The following SESTD1 variants were observed in gnomAD, a reference collection of about 807,000 sequenced individuals.
SESTD1 encodes the protein SEC14 and spectrin domain containing 1.
SESTD1 carries 43 observed loss-of-function variants against 101.7 expected under a neutral mutation model. The ratio of observed to expected loss-of-function variants is 0.42; its 90% CI spans 0.33 to 0.55. The LOEUF (loss-of-function observed/expected upper bound fraction) is 0.55, where lower values mean the gene tolerates loss of function less well. SESTD1 is among the 20% of genes least tolerant of loss of function. The probability of loss-of-function intolerance (pLI) is 0.07; values close to 1 mark genes in which losing one functional copy is unlikely to be tolerated. For missense variants in SESTD1, 647 were observed against 815.1 expected (o/e 0.79, Z 2.51); for synonymous variants, 283 against 286.8 (o/e 0.99, Z 0.13).
At chr2:179,199,865 A>T (rs1431439721) in intron 1 of SESTD1, among the ~76,000 whole-genome samples, 2 of 152,238 alleles carry the variant, frequency 1.3e-5, no homozygotes, top group Non-Finnish European at 2.9e-5. Context: ...AAACTGGCAC[A>T]AGACAGAGAT....
intron 2 of SESTD1, among the ~76,000 whole-genome samples, chr2:179,184,529 T>A (rs943733588): frequency 1.3e-5 from 2 of 152,074 alleles, no homozygotes; most frequent in Non-Finnish European, 2.9e-5. Context: ...TTCAATTGCC[T>A]ATTTTTTGTT....
At chr2:179,166,034 CT>C (rs1475657703) in intron 5 of SESTD1, among the ~76,000 whole-genome samples, 2 of 152,174 alleles carry the variant, frequency 1.3e-5, no homozygotes, top group Non-Finnish European at 2.9e-5. Flanking sequence ...GAAGATGGAA[CT>C]GGAGTACTTG....
chr2:179,230,113 CTTTTTTTTTTTTTTTTTTTTTTTT>C (rs71023474), intron 1 of SESTD1, among the ~76,000 whole-genome samples: 3 of 56,404 alleles, frequency 5.3e-5, no homozygotes, highest in Non-Finnish European at 6.7e-5. Context: ...GATTGTATCT[CTTTTTTTTTTTTTTTTTTTTTTTT>C]TTTTTTTTTT....
intron 1 of SESTD1, among the ~76,000 whole-genome samples, chr2:179,218,748 AAAGG>A (rs1197862566): frequency 3.3e-5 from 5 of 152,194 alleles, no homozygotes; most frequent in Non-Finnish European, 4.4e-5. Context: ...AGAGGAAAAT[AAAGG>A]CAACCAAGGT....
chr2:179,187,902 T>C (rs756278240), intron 2 of SESTD1, among the ~76,000 whole-genome samples: 1 of 152,144 alleles, frequency 6.6e-6, no homozygotes, highest in Non-Finnish European at 1.5e-5. Context: ...TATATACACA[T>C]GCACCCAACA....
intron 5 of SESTD1, among the ~76,000 whole-genome samples, chr2:179,168,289 CA>C (rs1299872495): frequency 6.6e-6 from 1 of 152,122 alleles, no homozygotes; most frequent in African/African-American, 2.4e-5. Context: ...ATTTTCTTAA[CA>C]TTTTTTCTCT....
At chr2:179,250,989 GCT>G (rs1290655513) in intron 1 of SESTD1, among the ~76,000 whole-genome samples, 2 of 152,032 alleles carry the variant, frequency 1.3e-5, no homozygotes, top group Non-Finnish European at 2.9e-5. Context: ...ATTTACAGCA[GCT>G]TTACTCCTAA....
intron 2 of SESTD1, among the ~76,000 whole-genome samples, chr2:179,190,186 C>T (rs2046300043): frequency 1.3e-5 from 2 of 152,082 alleles, no homozygotes; most frequent in African/African-American, 4.8e-5. Context: ...CAGCATGGTA[C>T]TAGTACAGAA....
intron 16 of SESTD1, among the ~76,000 whole-genome samples, chr2:179,113,967 G>T (rs776243020): frequency 2.3e-4 from 27 of 118,486 alleles, no homozygotes; most frequent in South Asian, 2.1e-3. Context: ...TACACAGGGT[G>T]GGGGGAGCTT....
chr2:179,133,855 A>C (rs2105430016), intron 9 of SESTD1, among the ~76,000 whole-genome samples: 1 of 152,360 alleles, frequency 6.6e-6, no homozygotes, highest in Non-Finnish European at 1.5e-5. Context: ...GGATATCCAC[A>C]GATTTTCATG....
chr2:179,185,510 T>C (rs1291068857), intron 2 of SESTD1, among the ~76,000 whole-genome samples: 2 of 139,274 alleles, frequency 1.4e-5, no homozygotes, highest in African/African-American at 2.6e-5. Context: ...ATATCGTATA[T>C]TGTATATTAT....
chr2:179,261,898 A>G (rs10177122), intron 1 of SESTD1, among the ~76,000 whole-genome samples: 44,116 of 152,118 alleles, frequency 0.29, 6,755 homozygotes, highest in South Asian at 0.44. Flanking sequence ...GAAAGCATAT[A>G]TACCATACAA....
intron 11 of SESTD1, 65 bp downstream of exon 11, chr2:179,124,299 A>G: frequency 6.8e-7 from 1 of 1,478,272 alleles, no homozygotes; most frequent in South Asian, 1.4e-5. Context: ...AACCTGAAAA[A>G]AATTACGTGT....
chr2:179,121,700 T>A (rs1348714008), intron 13 of SESTD1, 70 bp downstream of exon 13: 11 of 1,354,632 alleles, frequency 8.1e-6, no homozygotes, highest in African/African-American at 1.5e-5. Flanking sequence ...GTATATAAAA[T>A]GTTATATAAC....
intron 1 of SESTD1, among the ~76,000 whole-genome samples, chr2:179,243,430 T>C (rs969135913): frequency 2.0e-5 from 3 of 152,236 alleles, no homozygotes; most frequent in African/African-American, 7.2e-5. Context: ...AGAAAATAAA[T>C]TGTTCTACCA....
chr2:179,222,647 T>C (rs1422794134), intron 1 of SESTD1, among the ~76,000 whole-genome samples: 5 of 152,228 alleles, frequency 3.3e-5, no homozygotes, highest in African/African-American at 1.2e-4. Context: ...TAACCCAATG[T>C]TCTCACATGA....
At chr2:179,160,559 T>G (rs574687259) in intron 5 of SESTD1, among the ~76,000 whole-genome samples, 1 of 152,146 alleles carries the variant, frequency 6.6e-6, no homozygotes, top group South Asian at 2.1e-4. Flanking sequence ...TCACCTGTTC[T>G]AATTAAGTGA....
At chr2:179,262,055 T>C (rs1214638706) in intron 1 of SESTD1, among the ~76,000 whole-genome samples, 1 of 152,144 alleles carries the variant, frequency 6.6e-6, no homozygotes, top group Non-Finnish European at 1.5e-5. Flanking sequence ...AATGAAATAT[T>C]GATACATGGT....
intron 2 of SESTD1, among the ~76,000 whole-genome samples, chr2:179,188,111 T>A (rs1034770921): frequency 6.6e-6 from 1 of 152,052 alleles, no homozygotes; most frequent in African/African-American, 2.4e-5. Flanking sequence ...AGTCTACCCA[T>A]CAACCACAGA....
Sources: allele counts gnomAD v4.1 joint callset (sites outside exome capture counted in the v4.1 genomes callset), GRCh38; gene constraint gnomAD v4.1.1; transcripts MANE v1.5; gene names NCBI Gene and HGNC (gene_info 2026-07-23, HGNC 2026-07-21).